Variants in VAT1L observed in about 807,000 individuals in gnomAD.
VAT1L encodes the protein vesicle amine transport 1 like, also known as putative NADPH-dependent quinone oxidoreductase VAT1L.
In VAT1L, 34 loss-of-function variants were observed where a neutral mutation model predicts 44.1. The ratio of observed to expected loss-of-function variants is 0.77; its 90% CI spans 0.59 to 1.03. The LOEUF is 1.03. Ranked by LOEUF, VAT1L falls within the 50% of genes least tolerant of loss-of-function variation. VAT1L has a pLI of 0.00. For synonymous variants in VAT1L, 253 were observed against 202.2 expected, an observed-to-expected ratio of 1.25 and a Z score of -2.13; for missense variants, 615 against 538.8, an observed-to-expected ratio of 1.14 and a Z score of -1.40.
At chr16:77,835,930 A>T (rs2016634271) in intron 3 of VAT1L, among the ~76,000 whole-genome samples, 1 of 152,088 alleles carries the variant, frequency 6.6e-6, no homozygotes, top group African/African-American at 2.4e-5. Flanking sequence ...CCTGTTGAAT[A>T]GTATGTGACA....
chr16:77,956,435 T>C (rs910011574), intron 7 of VAT1L, among the ~76,000 whole-genome samples: 3 of 152,184 alleles, frequency 2.0e-5, no homozygotes, highest in African/African-American at 7.2e-5. Context: ...GTCATGCACA[T>C]GAGGTGCTTT....
intron 7 of VAT1L, among the ~76,000 whole-genome samples, chr16:77,913,830 A>G: frequency 6.6e-6 from 1 of 152,196 alleles, no homozygotes; most frequent in Non-Finnish European, 1.5e-5. Context: ...AGGACATAAA[A>G]ATACAATAAA....
intron 7 of VAT1L, among the ~76,000 whole-genome samples, chr16:77,937,221 G>T (rs973633685): frequency 1.1e-4 from 16 of 152,146 alleles, no homozygotes; most frequent in African/African-American, 3.9e-4. Context: ...AGTAGCCCCA[G>T]CCTGAGCCTC....
intron 3 of VAT1L, among the ~76,000 whole-genome samples, chr16:77,849,844 C>T (rs548983286): frequency 3.7e-4 from 57 of 152,286 alleles, no homozygotes; most frequent in Middle Eastern, 6.8e-3. Context: ...GAACCTCAGC[C>T]GCAGGATCTG....
At chr16:77,940,584 C>A (rs191422932) in intron 7 of VAT1L, among the ~76,000 whole-genome samples, 1 of 152,024 alleles carries the variant, frequency 6.6e-6, no homozygotes, top group Non-Finnish European at 1.5e-5. Flanking sequence ...ACCACGTGAT[C>A]CGCCCGCCTC....
At chr16:77,966,458 G>C (rs1376776023) in intron 7 of VAT1L, among the ~76,000 whole-genome samples, 1 of 152,200 alleles carries the variant, frequency 6.6e-6, no homozygotes, top group African/African-American at 2.4e-5. Context: ...AGGACGTACA[G>C]AGACACAGTG....
chr16:77,965,059 G>C (rs557850043), intron 7 of VAT1L, among the ~76,000 whole-genome samples: 1 of 152,096 alleles, frequency 6.6e-6, no homozygotes, highest in East Asian at 1.9e-4. Flanking sequence ...CAAAGTGCTG[G>C]GATTACAGGC....
chr16:77,899,894 A>T (rs1362666848), intron 7 of VAT1L, among the ~76,000 whole-genome samples: 1 of 152,240 alleles, frequency 6.6e-6, no homozygotes, highest in East Asian at 1.9e-4. Context: ...GCCTCACCCA[A>T]ATGGCTACAA....
At chr16:77,814,442 T>G (rs2016317870) in intron 1 of VAT1L, among the ~76,000 whole-genome samples, 1 of 152,186 alleles carries the variant, frequency 6.6e-6, no homozygotes, top group African/African-American at 2.4e-5. Context: ...TAGCCTCTTC[T>G]CATTGGAATT....
At chr16:77,799,206 G>T (rs758260883) in intron 1 of VAT1L, among the ~76,000 whole-genome samples, 2 of 149,206 alleles carry the variant, frequency 1.3e-5, no homozygotes, top group Admixed American at 1.3e-4. Context: ...TTCCTCTCCC[G>T]GTCCTCCTCC....
intron 4 of VAT1L, among the ~76,000 whole-genome samples, chr16:77,874,407 C>T (rs2017065940): frequency 6.6e-6 from 1 of 152,020 alleles, no homozygotes; most frequent in Admixed American, 6.5e-5. Flanking sequence ...TGACCACCAA[C>T]CTGAAGCTCA....
At chr16:77,840,840 G>T (rs1173087086) in intron 3 of VAT1L, among the ~76,000 whole-genome samples, 1 of 152,074 alleles carries the variant, frequency 6.6e-6, no homozygotes, top group Non-Finnish European at 1.5e-5. Flanking sequence ...AATGCATAGG[G>T]TCTAGAATGT....
chr16:77,975,691 C>G (rs1205184814), intron 8 of VAT1L, among the ~76,000 whole-genome samples: 1 of 152,222 alleles, frequency 6.6e-6, no homozygotes, highest in African/African-American at 2.4e-5. Context: ...AGAGTGGAGT[C>G]TCTCCTGCTG....
intron 1 of VAT1L, among the ~76,000 whole-genome samples, chr16:77,802,711 C>T (rs1399463985): frequency 6.6e-6 from 1 of 151,574 alleles, no homozygotes; most frequent in Non-Finnish European, 1.5e-5. Context: ...ACTTCTCAAA[C>T]ATTTTCTTTT....
intron 3 of VAT1L, among the ~76,000 whole-genome samples, chr16:77,834,123 T>G (rs1268752378): frequency 1.3e-5 from 2 of 152,226 alleles, no homozygotes; most frequent in Non-Finnish European, 2.9e-5. Flanking sequence ...GCTCCCATTG[T>G]TCTCAGGACA....
chr16:77,895,984 G>A (rs1567501148), intron 7 of VAT1L, among the ~76,000 whole-genome samples: 1 of 152,188 alleles, frequency 6.6e-6, no homozygotes, highest in Non-Finnish European at 1.5e-5. Context: ...CCTGGAAGTT[G>A]GAGAGAAAGA....
In VAT1L at chr16:77,879,339, G is replaced by A. The variant is rs2017124134; in HGVS notation, c.882+115G>A. ...CAGCGTCTCGTTCTGTCACCAGGCTGGAGTGCAATGGCACGATCTCGGCTC... is the reference window on the plus strand; with the variant it reads ...CAGCGTCTCGTTCTGTCACCAGGCTAGAGTGCAATGGCACGATCTCGGCTC... On this transcript the variant is annotated intron_variant, in intron 6 of 8. Coordinates refer to ENST00000302536, the MANE Select transcript of VAT1L (RefSeq NM_020927.3). The surrounding 1 kb of genome is among the most constrained non-coding windows in gnomAD (Gnocchi z 4.1). The A allele has an allele frequency of 1.8e-6, 2 of 1,116,674 alleles. No homozygotes were observed. The highest frequency in any genetic ancestry group is 2.7e-6 in the Non-Finnish European group (2 of 740,324). The allele number at this position is 1,116,674 out of a possible 1,614,324, so 69.2% of individuals were successfully genotyped here.
chr16:77,821,483 G>C (rs997490949), intron 2 of VAT1L, among the ~76,000 whole-genome samples: 1 of 152,052 alleles, frequency 6.6e-6, no homozygotes, highest in Non-Finnish European at 1.5e-5. Flanking sequence ...AGTAGAGAAA[G>C]AGTTTCACCA....
At chr16:77,946,279 C>CTTTTTTTTTTTTTTTTTTTTTTTTTA (rs66461822) in intron 7 of VAT1L, among the ~76,000 whole-genome samples, 1 of 70,428 alleles carries the variant, frequency 1.4e-5, no homozygotes, top group Non-Finnish European at 2.5e-5. Flanking sequence ...GTTACTTGTT[C>CTTTTTTTTTTTTTTTTTTTTTTTTTA]TTTTTTTTTT....
Sources: allele counts gnomAD v4.1 joint callset (sites outside exome capture counted in the v4.1 genomes callset), GRCh38; gene constraint gnomAD v4.1.1; non-coding constraint Gnocchi (gnomAD v3.1); transcripts MANE v1.5; gene names NCBI Gene and HGNC (gene_info 2026-07-23, HGNC 2026-07-21).